Variants in IL31RA observed in about 807,000 individuals in gnomAD.
IL31RA encodes interleukin-31 receptor subunit alpha.
Under a neutral mutation model 83.7 loss-of-function variants are expected in IL31RA, and 66 were observed. The ratio of observed to expected loss-of-function variants is 0.79; its 90% CI spans 0.65 to 0.97. The LOEUF (loss-of-function observed/expected upper bound fraction) is 0.97, where lower values mean the gene tolerates loss of function less well. IL31RA is among the 50% of genes least tolerant of loss of function. The pLI, the probability that IL31RA is intolerant of heterozygous loss-of-function variation, is 0.00. For missense variants in IL31RA, 798 were observed against 919.4 expected (o/e 0.87, Z 1.71); for synonymous variants, 325 against 329.0 (o/e 0.99, Z 0.13).
chr5:55,856,296 A>T (rs1166044069), intron 1 of IL31RA, among the ~76,000 whole-genome samples: 2 of 152,334 alleles, frequency 1.3e-5, no homozygotes, highest in African/African-American at 4.8e-5. Context: ...GTGTTGTTGG[A>T]AGATTTTATA....
chr5:55,883,225 A>T (rs373885019), intron 5 of IL31RA, 30 bp downstream of exon 5: 1 of 1,543,000 alleles, frequency 6.5e-7, no homozygotes, highest in Non-Finnish European at 9.0e-7. Context: ...TAATATTCCA[A>T]TTAGAGGCCC....
At chr5:55,847,954 C>T (rs1177364489), upstream of IL31RA, among the ~76,000 whole-genome samples, 2 of 152,176 alleles carry the variant, frequency 1.3e-5, no homozygotes, top group Non-Finnish European at 2.9e-5. Context: ...ATGTTTTCCT[C>T]ATTACTAGAC....
At chr5:55,869,763 C>T (rs552674967) in intron 3 of IL31RA, among the ~76,000 whole-genome samples, 1 of 152,264 alleles carries the variant, frequency 6.6e-6, no homozygotes, top group African/African-American at 2.4e-5. Flanking sequence ...CATGAGCCAC[C>T]GTGCCTGTCC....
chr5:55,898,658 CAT>C (rs1384267935), intron 7 of IL31RA, among the ~76,000 whole-genome samples: 10 of 103,134 alleles, frequency 9.7e-5, no homozygotes, highest in African/African-American at 3.7e-4. Context: ...TTTTAAATAA[CAT>C]ATTAATATGT....
At position 55,919,617 on chromosome 5, in the gene IL31RA, C is replaced by G. The variant is rs1749988652; in HGVS notation, c.*2497C>G. Among the ~76,000 whole-genome samples, 1 of 152,128 alleles carries G rather than the reference C, an allele frequency of 6.6e-6. No homozygotes were observed. Among genetic ancestry groups the G allele is most frequent in the African/African-American group, 2.4e-5 (1 of 41,404 alleles). ...TCTTGTTTCTTTTCATTCCTTTCTC[C>G]CCTTCCATCAGCCTCCTTTGATCAT... On this transcript the variant is annotated 3_prime_UTR_variant, in exon 15 of 15. Coordinates refer to ENST00000652347, the MANE Select transcript of IL31RA (RefSeq NM_139017.7).
At chr5:55,862,271 A>G (rs1311350795) in intron 2 of IL31RA, among the ~76,000 whole-genome samples, 1 of 152,244 alleles carries the variant, frequency 6.6e-6, no homozygotes, top group Non-Finnish European at 1.5e-5. Context: ...CAGTTTATCC[A>G]TTGTTACTAT....
At chr5:55,913,323 C>T (rs1749609289) in intron 12 of IL31RA, among the ~76,000 whole-genome samples, 154 bp from the exon 13 acceptor site, 1 of 152,100 alleles carries the variant, frequency 6.6e-6, no homozygotes, top group Admixed American at 6.6e-5. Flanking sequence ...AACTCCTGAC[C>T]TGGGGTTTTT....
chr5:55,896,378 C>T lies in IL31RA; in HGVS notation c.801C>T (p.Val267=). 1 of 1,613,736 alleles carries T rather than the reference C, an allele frequency of 6.2e-7. No individual in the cohort carries two copies. The highest frequency in any genetic ancestry group is 1.1e-5 in the South Asian group (1 of 91,064). ...EAPCGLELWR[V]LKPAEADGRR... ...CATGTGGCCTGGAACTGTGGAGAGTCCTGAAACCAGCTGAGGCGGATGGAA... is the reference window on the plus strand; with the variant it reads ...CATGTGGCCTGGAACTGTGGAGAGTTCTGAAACCAGCTGAGGCGGATGGAA... The change falls in exon 7 of 15, where the codon GTC becomes GTT. Residue 267 remains valine (V), a synonymous_variant. Coordinates refer to ENST00000652347, the MANE Select transcript of IL31RA (RefSeq NM_139017.7).
chr5:55,883,084 T>G lies in IL31RA; in HGVS notation c.495T>G (p.Val165=). The G allele has an allele frequency of 6.2e-7, 1 of 1,614,090 alleles. No homozygotes were observed. The highest frequency in any genetic ancestry group is 8.5e-7 in the Non-Finnish European group (1 of 1,179,956). Residue 165 remains valine, a synonymous_variant, in exon 5 of 15, where the codon GTT becomes GTG. Transcript: ENST00000652347. ...CTAAGATTTTCCGTGTGAAACCAGTTTTGGGCATCAAACGAATGATTCAAA... is the reference window on the plus strand; with the variant it reads ...CTAAGATTTTCCGTGTGAAACCAGTGTTGGGCATCAAACGAATGATTCAAA... The part of the protein sequence containing the change: ...EPPKIFRVKP[V]LGIKRMIQIE...
At position 55,903,397 on chromosome 5, in the gene IL31RA, C is replaced by T. The variant is rs1459254841; in HGVS notation, c.1070-2709C>T. On this transcript the variant is annotated intron_variant, in intron 8 of 14. Coordinates refer to ENST00000652347, the MANE Select transcript of IL31RA (RefSeq NM_139017.7). The surrounding 1 kb of genome is among the most constrained non-coding windows in gnomAD (Gnocchi z 4.7). ...TTCAAGGAAGGATCTGTGTTTCCCA[C>T]CACACCTGGGGATGTTTGGAGTAAT... 6.6e-6 allele frequency among the ~76,000 whole-genome samples: 1 copy of T among 152,234 alleles called. No homozygotes were observed. The highest frequency in any genetic ancestry group is 1.5e-5 in the Non-Finnish European group (1 of 68,042).
At chr5:55,894,402 A>G (rs956664055) in intron 6 of IL31RA, among the ~76,000 whole-genome samples, 3 of 152,216 alleles carry the variant, frequency 2.0e-5, no homozygotes, top group South Asian at 2.1e-4. Context: ...TTATGATTCA[A>G]TAAAAGCCTT....
chr5:55,893,601 A>G (rs1480780167), intron 6 of IL31RA, among the ~76,000 whole-genome samples: 1 of 152,182 alleles, frequency 6.6e-6, no homozygotes, highest in Non-Finnish European at 1.5e-5. Flanking sequence ...GTTAATGGAA[A>G]GCTGGCTATA....
intron 2 of IL31RA, chr5:55,866,885 G>C (rs1387494361): frequency 6.6e-6 from 1 of 152,136 alleles, no homozygotes; most frequent in African/African-American, 2.4e-5. Flanking sequence ...TTGTCTGGTA[G>C]AGACTGCCTT....
rs759439785 is a variant in IL31RA at position 55,912,522 on chromosome 5, C to T, written c.1643-955C>T. The stretch of plus-strand genomic sequence containing the variant: ...ACCTTAGCTAAAGTTGCTGTCTGGA[C>T]GCAGTGGCTCATGCCTGTAACTCCA... On this transcript the variant is annotated intron_variant, in intron 12 of 14. Coordinates refer to ENST00000652347, the MANE Select transcript of IL31RA (RefSeq NM_139017.7). 4.6e-5 allele frequency among the ~76,000 whole-genome samples: 7 copies of T among 152,284 alleles called. No individual in the cohort carries two copies. In the East Asian group the frequency reaches 5.8e-4, roughly 13 times the overall value.
rs1032151147 is a variant in IL31RA at position 55,920,920 on chromosome 5, G to T, written c.*3800G>T. ...AAACCTCAGACATTTGGTGATGCCT[G>T]GAGATATTTTTGATTGTCACGACTG... On this transcript the variant is annotated 3_prime_UTR_variant, in exon 15 of 15. Transcript: ENST00000652347. Among the ~76,000 whole-genome samples, 9 of 152,080 alleles carry T rather than the reference G, an allele frequency of 5.9e-5. No individual in the cohort carries two copies. The highest frequency in any genetic ancestry group is 1.9e-4 in the African/African-American group (8 of 41,392).
intron 2 of IL31RA, among the ~76,000 whole-genome samples, chr5:55,861,253 G>A (rs770196558): frequency 3.3e-5 from 5 of 152,132 alleles, no homozygotes; most frequent in African/African-American, 7.2e-5. Flanking sequence ...AGCCCCTTGG[G>A]GTTACACCTG....
Position 55,889,818 on chromosome 5 carries a change from A to G in IL31RA, c.607-152A>G, listed in dbSNP as rs72763877. 993 of 722,730 alleles carry G rather than the reference A, an allele frequency of 1.4e-3. 5 individuals carry two copies. Among genetic ancestry groups the G allele is most frequent in the Non-Finnish European group, 1.8e-3 (734 of 406,588 alleles). 44.8% of individuals were successfully genotyped at this position (722,730 alleles called of 1,614,324 possible). On this transcript the variant is annotated intron_variant, in intron 5 of 14. Transcript: ENST00000652347. ...AGGTACCAATTGTTCCCAGGCACAT[A>G]TGGAAGTCTGTTAATAAAAATGATA...
intron 8 of IL31RA, among the ~76,000 whole-genome samples, chr5:55,901,300 G>T (rs572517091): frequency 6.6e-6 from 1 of 152,240 alleles, no homozygotes; most frequent in African/African-American, 2.4e-5. Flanking sequence ...ATTAATAGAG[G>T]TGCTGTTAAA....
chr5:55,883,071 G>T lies in IL31RA; in HGVS notation c.482G>T (p.Arg161Leu), dbSNP rs142659639. The T allele has an allele frequency of 1.1e-5, 18 of 1,613,810 alleles. No individual in the cohort carries two copies. In the African/African-American group the frequency reaches 1.7e-4, roughly 16 times the overall value. Reference protein sequence around the residue: ...IAKTEPPKIFRVKPVLGIKRM... With the variant: ...IAKTEPPKIFLVKPVLGIKRM... ...AAAACTGAACCACCTAAGATTTTCC[G>T]TGTGAAACCAGTTTTGGGCATCAAA... Residue 161 changes from arginine (R) to leucine (L), a missense_variant, in exon 5 of 15, where the codon CGT becomes CTT. Transcript: ENST00000652347.
Sources: gnomAD v4.1 joint callset for allele counts (sites outside exome capture counted in the v4.1 genomes callset) on GRCh38, gnomAD v4.1.1 for gene constraint, Gnocchi (gnomAD v3.1) non-coding constraint, MANE v1.5 for transcripts, NCBI Gene and HGNC (gene_info 2026-07-23, HGNC 2026-07-21) for gene names.